TLL2: variants seen among roughly 807,000 people sequenced by gnomAD.
TLL2 encodes the protein tolloid-like protein 2.
Under a neutral mutation model 123.0 loss-of-function variants are expected in TLL2, and 106 were observed. The ratio of observed to expected loss-of-function variants is 0.86; its 90% confidence interval spans 0.74 to 1.01. The LOEUF (loss-of-function observed/expected upper bound fraction) is 1.01. TLL2 is among the 50% of genes least tolerant of loss of function. The probability of loss-of-function intolerance (pLI) is 0.00; values close to 1 mark genes in which losing one functional copy is unlikely to be tolerated. For synonymous variants in TLL2, 494 were observed against 516.8 expected, an observed-to-expected ratio of 0.96 and a Z score of 0.60; for missense variants, 1,332 against 1,336.7, an observed-to-expected ratio of 1.00 and a Z score of 0.06.
intron 9 of TLL2, among the ~76,000 whole-genome samples, chr10:96,410,113 G>A (rs1417636028): frequency 1.3e-5 from 2 of 152,182 alleles, no homozygotes; most frequent in African/African-American, 2.4e-5. Context: ...TGTTAAGGTT[G>A]GAAGGAACTG....
intron 19 of TLL2, among the ~76,000 whole-genome samples, chr10:96,371,940 C>T (rs1257751227): frequency 6.6e-6 from 1 of 152,194 alleles, no homozygotes; most frequent in African/African-American, 2.4e-5. Flanking sequence ...GAACTGCTCC[C>T]TCCTCTCATC....
At chr10:96,415,654 G>A (rs1846548408) in intron 7 of TLL2, among the ~76,000 whole-genome samples, 1 of 145,964 alleles carries the variant, frequency 6.9e-6, no homozygotes, top group African/African-American at 2.5e-5. Context: ...TTGCAAAATA[G>A]TTATTTACAT....
chr10:96,387,102 C>G, intron 13 of TLL2, 24 bp from the exon 14 acceptor site: 1 of 1,607,508 alleles, frequency 6.2e-7, no homozygotes, highest in Non-Finnish European at 8.5e-7. Flanking sequence ...AAGGTGACCC[C>G]GGTTACATTG....
chr10:96,488,788 C>T (rs1042515728), intron 1 of TLL2, among the ~76,000 whole-genome samples: 18 of 152,164 alleles, frequency 1.2e-4, no homozygotes, highest in Admixed American at 9.8e-4. Context: ...GACTCAAGTC[C>T]AGGACCACTC....
At chr10:96,455,558 C>T (rs1334400514) in intron 2 of TLL2, among the ~76,000 whole-genome samples, 1 of 152,106 alleles carries the variant, frequency 6.6e-6, no homozygotes, top group Non-Finnish European at 1.5e-5. Context: ...CCGGCCCAAA[C>T]CTACCAAAAC....
Position 96,463,894 on chromosome 10 carries a change from G to A in TLL2, c.286+16455C>T, listed in dbSNP as rs116762329. Among the ~76,000 whole-genome samples the A allele has an allele frequency of 2.7e-3, 410 of 152,360 alleles. 2 individuals carry two copies. The highest frequency in any genetic ancestry group is 9.5e-3 in the African/African-American group (396 of 41,592). On this transcript the variant is annotated intron_variant, in intron 2 of 20. Transcript: ENST00000357947. ...AGCCAGGGCAGCAGAGCTGAGTCCT[G>A]TCAGGGCTGAACTGGGGCAGTGAAG...
intron 1 of TLL2, among the ~76,000 whole-genome samples, chr10:96,505,839 G>A (rs1024790961): frequency 4.6e-5 from 7 of 152,152 alleles, no homozygotes; most frequent in Non-Finnish European, 1.0e-4. Flanking sequence ...TTCTAGGCAT[G>A]GTACCAAGTG....
intron 3 of TLL2, among the ~76,000 whole-genome samples, chr10:96,440,391 CTG>C (rs1491244324): frequency 2.0e-5 from 3 of 152,214 alleles, no homozygotes; most frequent in Non-Finnish European, 2.9e-5. Flanking sequence ...CCAAACAACT[CTG>C]TGTTGGAAAC....
intron 10 of TLL2, among the ~76,000 whole-genome samples, chr10:96,399,683 T>C (rs1374898369): frequency 6.6e-6 from 1 of 152,252 alleles, no homozygotes; most frequent in Non-Finnish European, 1.5e-5. Flanking sequence ...GGGGAAGTAC[T>C]GCTTACCAAT....
chr10:96,451,702 A>G (rs191229873), intron 2 of TLL2, among the ~76,000 whole-genome samples: 20 of 152,284 alleles, frequency 1.3e-4, no homozygotes, highest in African/African-American at 4.8e-4. Context: ...TCCCCAAGCC[A>G]ATTTTCTAAG....
intron 1 of TLL2, among the ~76,000 whole-genome samples, chr10:96,480,822 T>G (rs892409587): frequency 1.3e-5 from 2 of 152,250 alleles, no homozygotes; most frequent in Non-Finnish European, 2.9e-5. Flanking sequence ...ACGAATAATG[T>G]GATAAATTAT....
At position 96,397,204 on chromosome 10, in the gene TLL2, A is replaced by T; in HGVS notation, c.1366T>A (p.Phe456Ile). 1 of 1,613,852 alleles carries T rather than the reference A, an allele frequency of 6.2e-7. No individual in the cohort carries two copies. Among genetic ancestry groups the T allele is most frequent in the Non-Finnish European group, 8.5e-7 (1 of 1,179,830 alleles). ...RSSSNILGKGFFAAYEATCGG... is the reference protein window; with the variant it reads ...RSSSNILGKGIFAAYEATCGG... Reference sequence around the variant, plus strand: ...CACAAACCTTCGTACGCTGCAAAGAAGCCCTTGCCCAAGATGTTGCTGCTG... The same window carrying T: ...CACAAACCTTCGTACGCTGCAAAGATGCCCTTGCCCAAGATGTTGCTGCTG... Residue 456 changes from phenylalanine to isoleucine, a missense_variant, in exon 11 of 21, where the codon TTC becomes ATC. Phe to Ile is a conservative substitution (Grantham distance 21). Transcript: ENST00000357947.
chr10:96,440,377 C>T (rs538722340), intron 3 of TLL2, among the ~76,000 whole-genome samples: 12 of 152,276 alleles, frequency 7.9e-5, no homozygotes, highest in African/African-American at 2.2e-4. Flanking sequence ...AACAGCCCAA[C>T]AGTCCAAACA....
intron 1 of TLL2, among the ~76,000 whole-genome samples, chr10:96,499,052 A>G (rs191595617): frequency 1.3e-5 from 2 of 152,306 alleles, no homozygotes; most frequent in Admixed American, 1.3e-4. Flanking sequence ...CCCTGTAAAC[A>G]TTGCTCCTTC....
intron 5 of TLL2, 136 bp downstream of exon 5, chr10:96,428,495 G>T: frequency 1.6e-6 from 1 of 624,432 alleles, no homozygotes. Context: ...TTTCACCAAG[G>T]GCAGAAAGTT....
intron 2 of TLL2, among the ~76,000 whole-genome samples, chr10:96,458,876 C>A (rs1167079559): frequency 3.9e-5 from 6 of 152,120 alleles, no homozygotes; most frequent in Non-Finnish European, 8.8e-5. Context: ...GGGAGGATTA[C>A]TTGAGGCCAA....
Position 96,376,441 on chromosome 10 carries a change from C to T in TLL2, c.2448+251G>A, listed in dbSNP as rs755744100. On this transcript the variant is annotated intron_variant, in intron 18 of 20. Transcript: ENST00000357947. ...CACTGCAGATGTGGGTGGTGGATGC[C>T]GCCTCCTGCGGGTCCCACTGTGCCC... 2.1e-4 allele frequency among the ~76,000 whole-genome samples: 32 copies of T among 152,230 alleles called. 1 individual carries two copies. The highest frequency in any genetic ancestry group is 4.4e-5 in the Non-Finnish European group (3 of 68,038).
chr10:96,428,961 C>T (rs982831591), intron 4 of TLL2, among the ~76,000 whole-genome samples: 2 of 152,096 alleles, frequency 1.3e-5, no homozygotes, highest in African/African-American at 4.8e-5. Context: ...TGTGCCACCA[C>T]GCCCGGCTAA....
At chr10:96,393,813 T>C (rs372249888) in intron 13 of TLL2, among the ~76,000 whole-genome samples, 35 of 151,926 alleles carry the variant, frequency 2.3e-4, no homozygotes, top group Non-Finnish European at 4.3e-4. Flanking sequence ...GATTCTCCTC[T>C]GCTGCTGTTT....
Sources: allele counts gnomAD v4.1 joint callset (sites outside exome capture counted in the v4.1 genomes callset), GRCh38; gene constraint gnomAD v4.1.1; transcripts MANE v1.5; gene names NCBI Gene and HGNC (gene_info 2026-07-23, HGNC 2026-07-21).